CLEC16A: variants seen among roughly 807,000 people sequenced by gnomAD.
CLEC16A encodes C-type lectin domain containing 16A.
In CLEC16A, 51 loss-of-function variants were observed where a neutral mutation model predicts 109.5. That is an observed-to-expected ratio of 0.47 (90% CI 0.37 to 0.59). The LOEUF (loss-of-function observed/expected upper bound fraction) is 0.59. Ranked by LOEUF, CLEC16A falls within the 20% of genes least tolerant of loss-of-function variation. CLEC16A has a pLI of 0.00. For missense variants in CLEC16A, 1,339 were observed against 1,394.0 expected (o/e 0.96, Z 0.63); for synonymous variants, 673 against 564.2 (o/e 1.19, Z -2.73).
At chr16:11,019,363 G>C (rs771934455) in intron 11 of CLEC16A, among the ~76,000 whole-genome samples, 1 of 152,162 alleles carries the variant, frequency 6.6e-6, no homozygotes, top group Admixed American at 6.5e-5. Context: ...GGTTACCCTT[G>C]TTTAATGGGG....
At chr16:11,038,256 C>T (rs1480842344) in intron 13 of CLEC16A, among the ~76,000 whole-genome samples, 1 of 152,186 alleles carries the variant, frequency 6.6e-6, no homozygotes, top group Non-Finnish European at 1.5e-5. Context: ...ACTATTTTGT[C>T]AAGGTTCTAA....
At chr16:11,018,422 G>A (rs2152797696) in intron 11 of CLEC16A, among the ~76,000 whole-genome samples, 1 of 152,106 alleles carries the variant, frequency 6.6e-6, no homozygotes, top group Non-Finnish European at 1.5e-5. Flanking sequence ...AGCCTTCCAG[G>A]CAGAGGAAAT....
At chr16:10,965,346 G>GA (rs2042450618) in intron 3 of CLEC16A, among the ~76,000 whole-genome samples, 1 of 152,164 alleles carries the variant, frequency 6.6e-6, no homozygotes, top group African/African-American at 2.4e-5. Flanking sequence ...AATCACAGAA[G>GA]AAAAAATGTC....
At chr16:11,007,451 G>C (rs1418247115) in intron 11 of CLEC16A, among the ~76,000 whole-genome samples, 1 of 152,230 alleles carries the variant, frequency 6.6e-6, no homozygotes, top group Non-Finnish European at 1.5e-5. Context: ...CTATCGGAGA[G>C]TTGAGATCTG....
At chr16:11,017,425 T>C (rs1398276865) in intron 11 of CLEC16A, among the ~76,000 whole-genome samples, 1 of 151,984 alleles carries the variant, frequency 6.6e-6, no homozygotes, top group Non-Finnish European at 1.5e-5. Context: ...TTAAGTAAAA[T>C]CAAGATAAGG....
chr16:11,158,579 G>C (rs1437306552), intron 22 of CLEC16A, among the ~76,000 whole-genome samples: 1 of 152,148 alleles, frequency 6.6e-6, no homozygotes. Context: ...CCCACCTCCA[G>C]AGTTTGGTCA....
chr16:11,139,720 G>A (rs747627815), intron 22 of CLEC16A, among the ~76,000 whole-genome samples: 24 of 152,228 alleles, frequency 1.6e-4, no homozygotes, highest in Non-Finnish European at 3.5e-4. Context: ...GATTTGGGGA[G>A]CAGATGCTTC....
intron 19 of CLEC16A, among the ~76,000 whole-genome samples, chr16:11,102,324 A>G (rs2050968342): frequency 6.6e-6 from 1 of 152,228 alleles, no homozygotes; most frequent in African/African-American, 2.4e-5. Flanking sequence ...CAGTTTGAAC[A>G]CAAAAGATTA....
intron 22 of CLEC16A, among the ~76,000 whole-genome samples, chr16:11,147,949 G>T (rs62026379): frequency 6.6e-6 from 1 of 151,968 alleles, no homozygotes; most frequent in African/African-American, 2.4e-5. Context: ...TCCCTAAAAC[G>T]TGCCTTTTTT....
At chr16:11,163,498 T>C (rs1474535663) in intron 22 of CLEC16A, among the ~76,000 whole-genome samples, 2 of 152,158 alleles carry the variant, frequency 1.3e-5, no homozygotes, top group African/African-American at 2.4e-5. Context: ...TTTGTTTGTT[T>C]GTTTGTTTAA....
At chr16:10,989,343 C>A (rs2043860907) in intron 10 of CLEC16A, among the ~76,000 whole-genome samples, 1 of 152,172 alleles carries the variant, frequency 6.6e-6, no homozygotes, top group African/African-American at 2.4e-5. Flanking sequence ...ACCTCAGCCT[C>A]CTGAGTAGCT....
chr16:11,143,397 T>C (rs1425798126), intron 22 of CLEC16A, among the ~76,000 whole-genome samples: 1 of 152,070 alleles, frequency 6.6e-6, no homozygotes, highest in Non-Finnish European at 1.5e-5. Flanking sequence ...AAATGAGACA[T>C]AGGGTTCATC....
chr16:11,020,507 A>G (rs558543797), intron 12 of CLEC16A, among the ~76,000 whole-genome samples, 182 bp downstream of exon 12: 2 of 152,312 alleles, frequency 1.3e-5, no homozygotes, highest in South Asian at 4.2e-4. Flanking sequence ...CCATCACTCA[A>G]CACTGTAATG....
intron 13 of CLEC16A, among the ~76,000 whole-genome samples, chr16:11,030,091 T>C (rs1483473394): frequency 6.6e-6 from 1 of 152,246 alleles, no homozygotes; most frequent in Non-Finnish European, 1.5e-5. Context: ...TAACATTCCA[T>C]TATATGAACA....
chr16:11,024,918 A>G lies in CLEC16A; in HGVS notation c.1534A>G (p.Lys512Glu), dbSNP rs201417643. ...CCTCCTCTATGCCATGTCTCATAAT[A>G]AAGGTAAGCACCCTTGCCTTGCCTG... ...LCLLYAMSHN[K>E]GMDPEKLERI... Residue 512 changes from lysine (K) to glutamate (E), a missense_variant, in exon 13 of 24, where the codon AAA becomes GAA. This residue lies in a region of CLEC16A where 1,061 missense variants were observed against 1,006.8 expected (regional missense o/e 1.05). Transcript: ENST00000409790. The G allele has an allele frequency of 6.2e-7, 1 of 1,603,964 alleles. No individual in the cohort carries two copies. Among genetic ancestry groups the G allele is most frequent in the Non-Finnish European group, 8.5e-7 (1 of 1,174,834 alleles).
intron 11 of CLEC16A, among the ~76,000 whole-genome samples, chr16:11,009,224 G>A (rs1164036345): frequency 1.3e-5 from 2 of 152,140 alleles, no homozygotes; most frequent in Non-Finnish European, 2.9e-5. Flanking sequence ...TTAGCATAAA[G>A]TCTTCAAGGT....
intron 20 of CLEC16A, among the ~76,000 whole-genome samples, chr16:11,122,677 C>A (rs1348899325): frequency 6.6e-6 from 1 of 152,130 alleles, no homozygotes; most frequent in Non-Finnish European, 1.5e-5. Flanking sequence ...AATGTTGTCC[C>A]CACCTCCTTT....
Position 11,174,310 on chromosome 16 carries a change from A to G in CLEC16A, c.2807-4025A>G. On this transcript the variant is annotated intron_variant, in intron 23 of 23. Transcript: ENST00000409790. This position sits in a 1 kb window ranked among gnomAD's most constrained non-coding sequence, Gnocchi z 4.7. ...TCCCCTGTGAGCCGCTCGGGCCGCG[A>G]CGTCCACTCGCCACGCTGCATTTCC... 2.3e-6 allele frequency: 1 copy of G among 440,194 alleles called. No individual in the cohort carries two copies. The highest frequency in any genetic ancestry group is 4.7e-6 in the Non-Finnish European group (1 of 213,396). The allele number at this position is 440,194 out of a possible 1,614,324, so 27.3% of individuals were successfully genotyped here.
At chr16:11,035,361 C>G (rs922293620) in intron 13 of CLEC16A, among the ~76,000 whole-genome samples, 3 of 152,188 alleles carry the variant, frequency 2.0e-5, no homozygotes, top group Admixed American at 2.0e-4. Flanking sequence ...ATCAAAACTA[C>G]TTAACTTTTT....
Sources: allele counts gnomAD v4.1 joint callset (sites outside exome capture counted in the v4.1 genomes callset), GRCh38; gene constraint gnomAD v4.1.1; regional missense constraint gnomAD v4.1.1; non-coding constraint Gnocchi (gnomAD v3.1); transcripts MANE v1.5; gene names NCBI Gene and HGNC (gene_info 2026-07-23, HGNC 2026-07-21).